The following RBFOX1 variants were observed in gnomAD, a reference collection of about 807,000 sequenced individuals.
RBFOX1 encodes the protein RNA binding fox-1 homolog 1, also known as RNA binding protein fox-1 homolog 1.
Under a neutral mutation model 57.7 loss-of-function variants are expected in RBFOX1, and 8 were observed. The observed-to-expected ratio is 0.14, with a 90% CI of 0.08 to 0.25. The LOEUF is 0.25. Ranked by LOEUF, RBFOX1 falls within the 10% of genes least tolerant of loss-of-function variation. The pLI, the probability that RBFOX1 is intolerant of heterozygous loss-of-function variation, is 1.00. For missense variants in RBFOX1, 611 were observed against 548.5 expected, an observed-to-expected ratio of 1.11 and a Z score of -1.14; for synonymous variants, 326 against 222.4, an observed-to-expected ratio of 1.47 and a Z score of -4.15.
rs149908864 is a variant in RBFOX1, at chr16:5,947,314, C to T, written c.351+79979C>T. ...GAGGTCAGAGGGGGAGGTCAGATCG[C>T]CATCGAATGGACACCTCTTTTTACA... On this transcript the variant is annotated intron_variant, in intron 4 of 19. Transcript: ENST00000641259. This position sits in a 1 kb window ranked among gnomAD's most constrained non-coding sequence, Gnocchi z 7.2. Among the ~76,000 whole-genome samples the T allele has an allele frequency of 6.6e-6, 1 of 152,250 alleles. No homozygotes were observed. Among genetic ancestry groups the T allele is most frequent in the East Asian group, 1.9e-4 (1 of 5,174 alleles).
chr16:6,686,638 A>T (rs893820593), intron 3 of RBFOX1, among the ~76,000 whole-genome samples: 3 of 152,184 alleles, frequency 2.0e-5, no homozygotes, highest in Non-Finnish European at 4.4e-5. Flanking sequence ...AAGCACAGGT[A>T]TCTCTCCTTG....
chr16:7,092,757 G>C (rs546308728), intron 4 of RBFOX1, among the ~76,000 whole-genome samples: 2 of 152,308 alleles, frequency 1.3e-5, no homozygotes, highest in African/African-American at 4.8e-5. Context: ...ACAGAGGATT[G>C]CTTGTTAATA....
chr16:7,152,902 A>G (rs2076367964), intron 4 of RBFOX1, among the ~76,000 whole-genome samples: 1 of 152,228 alleles, frequency 6.6e-6, no homozygotes, highest in Non-Finnish European at 1.5e-5. Flanking sequence ...AAAATGCAAC[A>G]GAGATGTTTT....
At chr16:5,724,385 G>T (rs2052054105) in intron 3 of RBFOX1, among the ~76,000 whole-genome samples, 1 of 152,128 alleles carries the variant, frequency 6.6e-6, no homozygotes, top group Non-Finnish European at 1.5e-5. Flanking sequence ...TTCAGGAGCT[G>T]CAGGTGATGG....
At chr16:6,483,772 A>G in intron 2 of RBFOX1, 1 of 1,413,360 alleles carries the variant, frequency 7.1e-7, no homozygotes, top group Non-Finnish European at 9.2e-7. Context: ...GCCGCTGTCC[A>G]ACGTTAGCGC....
chr16:7,528,624 A>T (rs902045571), intron 5 of RBFOX1, among the ~76,000 whole-genome samples: 10 of 152,172 alleles, frequency 6.6e-5, no homozygotes, highest in Non-Finnish European at 1.5e-4. Context: ...TCAGTAGCTC[A>T]GTACTGCCTC....
chr16:5,375,209 G>T (rs1226529568), intron 1 of RBFOX1, among the ~76,000 whole-genome samples: 1 of 151,802 alleles, frequency 6.6e-6, no homozygotes, highest in African/African-American at 2.4e-5. Flanking sequence ...TGGTCATTGT[G>T]ACTCTTGGAG....
chr16:6,627,589 G>A (rs545391592), intron 2 of RBFOX1, among the ~76,000 whole-genome samples: 13 of 152,218 alleles, frequency 8.5e-5, no homozygotes, highest in African/African-American at 1.7e-4. Flanking sequence ...AACTATGAAC[G>A]CTAGACTGAG....
intron 2 of RBFOX1, among the ~76,000 whole-genome samples, chr16:6,593,317 G>A (rs1433788134): frequency 1.3e-5 from 2 of 152,144 alleles, no homozygotes. Flanking sequence ...TTTACCAGGT[G>A]GTGTTATAAT....
intron 3 of RBFOX1, among the ~76,000 whole-genome samples, chr16:5,763,988 C>T (rs1225210121): frequency 6.6e-6 from 1 of 152,216 alleles, no homozygotes; most frequent in Non-Finnish European, 1.5e-5. Flanking sequence ...AGAACACATG[C>T]ACCTCAAGGG....
chr16:7,288,164 C>A (rs900850484), intron 4 of RBFOX1, among the ~76,000 whole-genome samples: 1 of 152,130 alleles, frequency 6.6e-6, no homozygotes, highest in South Asian at 2.1e-4. Flanking sequence ...CCCACAAGCA[C>A]CCTGGGGAAG....
intron 1 of RBFOX1, among the ~76,000 whole-genome samples, chr16:6,027,762 T>C (rs1194949514): frequency 1.3e-5 from 2 of 152,146 alleles, no homozygotes; most frequent in Non-Finnish European, 2.9e-5. Flanking sequence ...GGGCAGCAAA[T>C]TGGTCCCAGA....
At chr16:5,766,179 A>G (rs2053770985) in intron 3 of RBFOX1, among the ~76,000 whole-genome samples, 1 of 152,182 alleles carries the variant, frequency 6.6e-6, no homozygotes, top group Non-Finnish European at 1.5e-5. Flanking sequence ...TTAGGAACTT[A>G]AGAACAGCTT....
intron 4 of RBFOX1, among the ~76,000 whole-genome samples, chr16:7,312,807 G>A (rs1006583842): frequency 6.6e-6 from 1 of 152,160 alleles, no homozygotes; most frequent in African/African-American, 2.4e-5. Context: ...TGATGCCAGA[G>A]ACTTGGGCAC....
chr16:7,460,099 T>C (rs2150489649), intron 4 of RBFOX1, among the ~76,000 whole-genome samples: 1 of 152,100 alleles, frequency 6.6e-6, no homozygotes, highest in Admixed American at 6.6e-5. Context: ...TTCGAAAATA[T>C]CATTAAGGTT....
intron 2 of RBFOX1, among the ~76,000 whole-genome samples, chr16:6,625,074 A>G (rs531524393): frequency 1.4e-5 from 2 of 147,918 alleles, no homozygotes; most frequent in South Asian, 4.4e-4. Context: ...CTGAGGCTAG[A>G]GAATCTCTTT....
At chr16:7,490,687 C>T (rs1403463755) in intron 4 of RBFOX1, among the ~76,000 whole-genome samples, 1 of 152,142 alleles carries the variant, frequency 6.6e-6, no homozygotes, top group Non-Finnish European at 1.5e-5. Context: ...TTCATAAGTC[C>T]AAGTTCAACT....
chr16:5,416,413 C>T (rs1021809528), intron 1 of RBFOX1, among the ~76,000 whole-genome samples: 2 of 152,262 alleles, frequency 1.3e-5, no homozygotes, highest in South Asian at 2.1e-4. Context: ...TCTAGTGGAT[C>T]TAAGAAGAAT....
chr16:7,514,161 G>T (rs959088705), intron 4 of RBFOX1, among the ~76,000 whole-genome samples: 1 of 152,126 alleles, frequency 6.6e-6, no homozygotes, highest in Non-Finnish European at 1.5e-5. Context: ...GGCAGTCTCT[G>T]TCACAGCTAT....
Sources: gnomAD v4.1 joint callset for allele counts (sites outside exome capture counted in the v4.1 genomes callset) on GRCh38, gnomAD v4.1.1 for gene constraint, Gnocchi (gnomAD v3.1) non-coding constraint, MANE v1.5 for transcripts, NCBI Gene and HGNC (gene_info 2026-07-23, HGNC 2026-07-21) for gene names.